The following TENM2 variants were observed in gnomAD, a reference collection of about 807,000 sequenced individuals.
TENM2 encodes teneurin-2.
Under a neutral mutation model 245.2 loss-of-function variants are expected in TENM2, and 52 were observed. That is an observed-to-expected ratio of 0.21 (90% CI 0.17 to 0.27). TENM2 has a LOEUF of 0.27. Ranked by LOEUF, TENM2 falls within the 10% of genes least tolerant of loss-of-function variation. The pLI is 1.00. For synonymous variants in TENM2, 1,363 were observed against 1,438.9 expected, an observed-to-expected ratio of 0.95 and a Z score of 1.19; for missense variants, 3,046 against 3,666.8, an observed-to-expected ratio of 0.83 and a Z score of 4.37.
chr5:167,458,004 A>G (rs1321369280), intron 2 of TENM2, among the ~76,000 whole-genome samples: 4 of 152,302 alleles, frequency 2.6e-5, no homozygotes, highest in East Asian at 1.9e-4. Context: ...TTTTTTTTTA[A>G]TACGACATTT....
chr5:167,980,039 A>G (rs1305482219), intron 4 of TENM2, among the ~76,000 whole-genome samples: 1 of 152,168 alleles, frequency 6.6e-6, no homozygotes, highest in African/African-American at 2.4e-5. Flanking sequence ...GCCTTTATTC[A>G]TTAAATAAAA....
chr5:167,205,523 C>T, the TENM2 span, among the ~76,000 whole-genome samples: 1 of 152,284 alleles, frequency 6.6e-6, no homozygotes, highest in East Asian at 1.9e-4. Flanking sequence ...TGTATATATA[C>T]TCTTCATTTG....
intron 1 of TENM2, among the ~76,000 whole-genome samples, chr5:167,313,646 A>G (rs1035368625): frequency 9.2e-5 from 14 of 152,110 alleles, no homozygotes; most frequent in African/African-American, 3.4e-4. Context: ...CAAGTCACTT[A>G]TTCACCTTAA....
At chr5:168,097,997 G>T (rs752236782) in intron 8 of TENM2, 29 bp from the exon 11 acceptor site, 2 of 1,556,156 alleles carry the variant, frequency 1.3e-6, no homozygotes, top group South Asian at 2.3e-5. Flanking sequence ...CAGAGGAAAA[G>T]GTAAACACTA....
intron 5 of TENM2, among the ~76,000 whole-genome samples, chr5:168,014,376 G>A (rs972004195): frequency 6.6e-6 from 1 of 152,084 alleles, no homozygotes; most frequent in Non-Finnish European, 1.5e-5. Flanking sequence ...TATGTAATTA[G>A]TAAGTAAGAG....
At chr5:167,329,987 A>C (rs1307215330) in intron 1 of TENM2, among the ~76,000 whole-genome samples, 3 of 152,164 alleles carry the variant, frequency 2.0e-5, no homozygotes, top group Non-Finnish European at 4.4e-5. Flanking sequence ...GTCCTGGCTA[A>C]AGCATCTAAA....
intron 2 of TENM2, among the ~76,000 whole-genome samples, chr5:167,803,035 A>G (rs116572662): frequency 4.1e-4 from 63 of 152,156 alleles, no homozygotes; most frequent in African/African-American, 1.4e-3. Flanking sequence ...GTGCAGAAAA[A>G]CCTAAATGCT....
At chr5:167,183,726 C>T in the TENM2 span, among the ~76,000 whole-genome samples, 1 of 152,024 alleles carries the variant, frequency 6.6e-6, no homozygotes, top group African/African-American at 2.4e-5. Context: ...ATTAATGGCT[C>T]ACATCCAAGC....
intron 2 of TENM2, among the ~76,000 whole-genome samples, chr5:167,455,104 A>ATT (rs1173658896): frequency 6.6e-6 from 1 of 152,186 alleles, no homozygotes; most frequent in African/African-American, 2.4e-5. Flanking sequence ...CAATGTTCAA[A>ATT]TTTATCTGTT....
intron 6 of TENM2, among the ~76,000 whole-genome samples, chr5:168,058,403 A>G (rs1365002304): frequency 2.0e-5 from 3 of 152,230 alleles, no homozygotes; most frequent in Non-Finnish European, 4.4e-5. Context: ...GTCCAGAGAC[A>G]GAGACTTAGG....
intron 12 of TENM2, among the ~76,000 whole-genome samples, chr5:168,158,431 T>C (rs1211423710): frequency 2.0e-5 from 3 of 152,106 alleles, no homozygotes; most frequent in Admixed American, 1.3e-4. Flanking sequence ...ACCTTCTATG[T>C]GCCTAAAACC....
chr5:167,039,168 A>C, the TENM2 span, among the ~76,000 whole-genome samples: 1 of 152,144 alleles, frequency 6.6e-6, no homozygotes, highest in South Asian at 2.1e-4. Context: ...TACAACTTTA[A>C]CATGTTCAGA....
At chr5:167,096,814 A>G in the TENM2 span, among the ~76,000 whole-genome samples, 25 of 152,360 alleles carry the variant, frequency 1.6e-4, no homozygotes, top group African/African-American at 6.0e-4. Context: ...GAGGAGAGGC[A>G]GGTACATTCT....
chr5:167,642,855 T>C (rs1388480610), intron 2 of TENM2, among the ~76,000 whole-genome samples: 1 of 152,180 alleles, frequency 6.6e-6, no homozygotes. Context: ...TTTGTGTGGA[T>C]ATAGTATGTG....
the TENM2 span, among the ~76,000 whole-genome samples, chr5:167,001,435 C>T: frequency 6.6e-6 from 1 of 151,810 alleles, no homozygotes. Context: ...CAGATCAGTA[C>T]TGACATGACT....
intron 8 of TENM2, among the ~76,000 whole-genome samples, chr5:168,094,193 T>C (rs184941978): frequency 1.3e-5 from 2 of 152,196 alleles, no homozygotes; most frequent in East Asian, 1.9e-4. Context: ...AAAGCCCAGA[T>C]TGAGGAAAGT....
chr5:167,475,616 G>A (rs1418571828), intron 2 of TENM2, among the ~76,000 whole-genome samples: 2 of 151,940 alleles, frequency 1.3e-5, no homozygotes, highest in Admixed American at 1.3e-4. Flanking sequence ...GCATGCATTA[G>A]GTATTTGTCC....
the TENM2 span, among the ~76,000 whole-genome samples, chr5:167,151,574 A>G: frequency 6.6e-6 from 1 of 151,930 alleles, no homozygotes; most frequent in East Asian, 1.9e-4. Flanking sequence ...GCTGGAGTGC[A>G]GTGGTGCAGT....
the TENM2 span, among the ~76,000 whole-genome samples, chr5:167,075,307 A>G: frequency 1.3e-5 from 2 of 152,148 alleles, no homozygotes; most frequent in Non-Finnish European, 2.9e-5. Flanking sequence ...GTTATACCCA[A>G]CAACCATCCC....
Sources: gnomAD v4.1 joint callset for allele counts (sites outside exome capture counted in the v4.1 genomes callset) on GRCh38, gnomAD v4.1.1 for gene constraint, MANE v1.5 for transcripts, NCBI Gene and HGNC (gene_info 2026-07-23, HGNC 2026-07-21) for gene names.